PRMT3: variants seen among roughly 807,000 people sequenced by gnomAD.
PRMT3 encodes protein arginine methyltransferase 3.
Under a neutral mutation model 71.9 loss-of-function variants are expected in PRMT3, and 62 were observed. The ratio of observed to expected loss-of-function variants is 0.86; its 90% confidence interval spans 0.70 to 1.07. The LOEUF is 1.07. PRMT3 is among the 50% of genes least tolerant of loss of function. The pLI, the probability that PRMT3 is intolerant of heterozygous loss-of-function variation, is 0.00. For missense variants in PRMT3, 663 were observed against 643.0 expected (o/e 1.03, Z -0.34); for synonymous variants, 213 against 220.4 (o/e 0.97, Z 0.30).
chr11:20,411,224 A>G (rs1239485421), intron 9 of PRMT3, among the ~76,000 whole-genome samples: 1 of 152,084 alleles, frequency 6.6e-6, no homozygotes. Flanking sequence ...GAGACATGTG[A>G]CTTATTTGGA....
Position 20,508,776 on chromosome 11 carries a change from GGTTA to G in PRMT3, c.*368_*371del, listed in dbSNP as rs200153164. 4.5e-4 allele frequency: 136 copies of G among 301,692 alleles called. No individual in the cohort carries two copies. The East Asian group carries it at 7.9e-3, about 17-fold the overall frequency. 18.7% of individuals were successfully genotyped at this position (301,692 alleles called of 1,614,324 possible). ...TCTTACTATAAATTTTAAACAAATT[GGTTA>G]GTTATTTGGATATTTTATTAAACTA... On this transcript the variant is annotated 3_prime_UTR_variant, in exon 16 of 16. Coordinates refer to ENST00000331079, the MANE Select transcript of PRMT3 (RefSeq NM_005788.4).
intron 9 of PRMT3, among the ~76,000 whole-genome samples, chr11:20,420,682 C>T (rs551418987): frequency 3.5e-4 from 54 of 152,278 alleles, no homozygotes; most frequent in African/African-American, 1.0e-3. Context: ...AGATTGTCTT[C>T]CACGAAACTG....
chr11:20,472,166 C>G (rs1054557073), intron 13 of PRMT3, among the ~76,000 whole-genome samples: 2 of 152,158 alleles, frequency 1.3e-5, no homozygotes, highest in Admixed American at 6.5e-5. Context: ...TTGACTTCCT[C>G]TCTTACTATT....
chr11:20,504,727 A>T (rs1222358376), intron 15 of PRMT3, among the ~76,000 whole-genome samples: 3 of 151,354 alleles, frequency 2.0e-5, no homozygotes, highest in Non-Finnish European at 4.4e-5. Context: ...AGAGAGAGAG[A>T]GAGAGAGAGA....
At chr11:20,399,704 T>C (rs981780678) in intron 7 of PRMT3, among the ~76,000 whole-genome samples, 2 of 152,186 alleles carry the variant, frequency 1.3e-5, no homozygotes, top group Non-Finnish European at 2.9e-5. Flanking sequence ...TTGAGTGTTG[T>C]GAGTACAATC....
In PRMT3 at chr11:20,392,363, A is replaced by C; in HGVS notation, c.297+103A>C. The stretch of plus-strand genomic sequence containing the variant: ...TAAAAGAATATGAGGAACTGCATTA[A>C]ATTTGGTACTCATCATATTGGGGGA... On this transcript the variant is annotated intron_variant, in intron 4 of 15. Coordinates refer to ENST00000331079, the MANE Select transcript of PRMT3 (RefSeq NM_005788.4). 2.4e-6 allele frequency: 3 copies of C among 1,231,322 alleles called. No individual in the cohort carries two copies. The South Asian group carries it at 4.6e-5, about 19-fold the overall frequency. The allele number at this position is 1,231,322 out of a possible 1,614,324, so 76.3% of individuals were successfully genotyped here.
chr11:20,481,156 A>T (rs1850921963), intron 13 of PRMT3, among the ~76,000 whole-genome samples: 1 of 152,062 alleles, frequency 6.6e-6, no homozygotes, highest in Non-Finnish European at 1.5e-5. Context: ...AACCTATGCT[A>T]TTCCTTGAGG....
At chr11:20,452,358 T>G in intron 11 of PRMT3, 150 bp downstream of exon 11, 1 of 603,652 alleles carries the variant, frequency 1.7e-6, no homozygotes, top group Non-Finnish European at 2.9e-6. Flanking sequence ...GACATTTGTT[T>G]ACTATATTGT....
At chr11:20,481,823 A>C (rs1253479573) in intron 13 of PRMT3, among the ~76,000 whole-genome samples, 2 of 152,082 alleles carry the variant, frequency 1.3e-5, no homozygotes, top group African/African-American at 2.4e-5. Flanking sequence ...CTAGAGAGTC[A>C]AGAGCCCTTG....
intron 13 of PRMT3, among the ~76,000 whole-genome samples, chr11:20,478,155 TAATGAGA>T (rs1850841783): frequency 6.6e-6 from 1 of 152,220 alleles, no homozygotes; most frequent in South Asian, 2.1e-4. Context: ...TCTGTGGTTT[TAATGAGA>T]AATGTTTAGT....
chr11:20,489,769 G>GT (rs1172524201), intron 13 of PRMT3, among the ~76,000 whole-genome samples: 1,713 of 144,714 alleles, frequency 0.012, 33 homozygotes, highest in African/African-American at 0.039. Context: ...AATTGAAGGG[G>GT]TTTTTTTTTT....
At chr11:20,444,205 G>T (rs1457882107) in intron 10 of PRMT3, among the ~76,000 whole-genome samples, 1 of 151,588 alleles carries the variant, frequency 6.6e-6, no homozygotes, top group Non-Finnish European at 1.5e-5. Context: ...ACCCACCCCT[G>T]GTCCCCAAAA....
chr11:20,420,827 A>G (rs1025152793), intron 9 of PRMT3, among the ~76,000 whole-genome samples: 3 of 152,138 alleles, frequency 2.0e-5, no homozygotes, highest in Non-Finnish European at 4.4e-5. Context: ...ACCTTTCATC[A>G]CCTCTTCTAT....
chr11:20,474,969 G>A (rs1022193765), intron 13 of PRMT3, among the ~76,000 whole-genome samples: 4 of 152,186 alleles, frequency 2.6e-5, no homozygotes, highest in Non-Finnish European at 4.4e-5. Context: ...GCAATGGAAG[G>A]ACAAAGGAAA....
At chr11:20,454,610 T>C (rs1850227312) in intron 11 of PRMT3, among the ~76,000 whole-genome samples, 2 of 152,176 alleles carry the variant, frequency 1.3e-5, no homozygotes, top group African/African-American at 4.8e-5. Context: ...AAAAATAGTC[T>C]ATTTGTGTTT....
intron 10 of PRMT3, among the ~76,000 whole-genome samples, chr11:20,444,249 A>G (rs1849973663): frequency 6.6e-6 from 1 of 152,154 alleles, no homozygotes; most frequent in African/African-American, 2.4e-5. Flanking sequence ...TCTGTCTTAA[A>G]ATATTACACT....
intron 9 of PRMT3, among the ~76,000 whole-genome samples, chr11:20,419,182 TA>T (rs1270313415): frequency 2.0e-4 from 30 of 152,336 alleles, no homozygotes; most frequent in African/African-American, 7.0e-4. Context: ...TATCCACCAT[TA>T]AAAAATGTTT....
At chr11:20,484,608 C>G (rs1342877944) in intron 13 of PRMT3, among the ~76,000 whole-genome samples, 1 of 152,202 alleles carries the variant, frequency 6.6e-6, no homozygotes, top group Non-Finnish European at 1.5e-5. Flanking sequence ...TAAGACATGA[C>G]TTGCTCCTCT....
intron 13 of PRMT3, among the ~76,000 whole-genome samples, chr11:20,491,086 T>C (rs1851195722): frequency 6.6e-6 from 1 of 152,180 alleles, no homozygotes; most frequent in South Asian, 2.1e-4. Flanking sequence ...ATAATTTCTA[T>C]CAATCTTCAA....
Sources: gnomAD v4.1 joint callset for allele counts (sites outside exome capture counted in the v4.1 genomes callset) on GRCh38, gnomAD v4.1.1 for gene constraint, MANE v1.5 for transcripts, NCBI Gene and HGNC (gene_info 2026-07-23, HGNC 2026-07-21) for gene names.